The following CUL7 variants were observed in gnomAD, a reference collection of about 807,000 sequenced individuals.
The protein encoded by CUL7 is cullin 7.
A neutral mutation model predicts 177.7 loss-of-function variants in CUL7; 96 were observed. The ratio of observed to expected loss-of-function variants is 0.54; its 90% confidence interval spans 0.46 to 0.64. The LOEUF is 0.64. Among genes scored for constraint, CUL7 ranks in the 30% least tolerant of loss-of-function variants. CUL7 has a pLI of 0.00. For synonymous variants in CUL7, 824 were observed against 890.2 expected (o/e 0.93, Z 1.32); for missense variants, 1,893 against 2,187.9 (o/e 0.87, Z 2.69).
Position 43,053,774 on chromosome 6 carries a change from T to C in CUL7, c.-161A>G. 2.0e-6 allele frequency: 3 copies of C among 1,530,698 alleles called. No homozygotes were observed. Among genetic ancestry groups the C allele is most frequent in the Non-Finnish European group, 2.6e-6 (3 of 1,144,918 alleles). The allele number at this position is 1,530,698 out of a possible 1,614,324, so 94.8% of individuals were successfully genotyped here. On this transcript the variant is annotated 5_prime_UTR_variant, in exon 1 of 26. Coordinates refer to ENST00000265348, the MANE Select transcript of CUL7 (RefSeq NM_014780.5). The surrounding 1 kb of genome is among the most constrained non-coding windows in gnomAD (Gnocchi z 4.1). Reference sequence around the variant, plus strand: ...GGGGCGTGCCTCCGCGGAACAGAGCTGCACCCGCGTGAGTCGGCAGCCACT... The same window carrying C: ...GGGGCGTGCCTCCGCGGAACAGAGCCGCACCCGCGTGAGTCGGCAGCCACT...
chr6:43,049,384 C>A, intron 7 of CUL7, 23 bp downstream of exon 7: 1 of 1,614,086 alleles, frequency 6.2e-7, no homozygotes, highest in South Asian at 1.1e-5. Flanking sequence ...TGTGTCAGCT[C>A]AGCTGCTGTG....
At chr6:43,041,644 A>G (rs983162962) in intron 19 of CUL7, among the ~76,000 whole-genome samples, 3 of 151,250 alleles carry the variant, frequency 2.0e-5, no homozygotes, top group African/African-American at 7.3e-5. Context: ...AAAGAAAAAG[A>G]AAGGAGAGGA....
chr6:43,047,816 G>A (rs895521177), intron 9 of CUL7: 2 of 327,974 alleles, frequency 6.1e-6, no homozygotes, highest in Admixed American at 4.5e-5. Flanking sequence ...ACACATTTGG[G>A]TTTGCTTATA....
rs200593675 is a variant in CUL7, at chr6:43,051,633, G to C, written c.711C>G (p.Phe237Leu). Residue 237 changes from phenylalanine to leucine, a missense_variant, in exon 3 of 26, where the codon TTC (phenylalanine) becomes TTG (leucine). Phe to Leu is a conservative substitution (Grantham distance 22). Transcript: ENST00000265348. The surrounding 1 kb of genome is among the most constrained non-coding windows in gnomAD (Gnocchi z 5.0). Reference sequence around the variant, plus strand: ...TTACCTGTGGTAGCTGAATGCCCTCGAAAGACATGGGGTGTTCAGAGAGCG... The same window carrying C: ...TTACCTGTGGTAGCTGAATGCCCTCCAAAGACATGGGGTGTTCAGAGAGCG... ...QATLSEHPMS[F>L]EGIQLPQVPG... 14 of 1,614,148 alleles carry C rather than the reference G, an allele frequency of 8.7e-6. No individual in the cohort carries two copies. Among genetic ancestry groups the C allele is most frequent in the Non-Finnish European group, 1.1e-5 (13 of 1,180,040 alleles).
Position 43,041,060 on chromosome 6 carries a change from C to G in CUL7, c.3661G>C (p.Ala1221Pro), listed in dbSNP as rs779464552. The stretch of plus-strand genomic sequence containing the variant: ...TGGATCTGCTGGTCAATGTGCCGGG[C>G]GAACTGCTCACTCACCTGAGCAATG... Reference protein sequence around the residue: ...LKAAHVSEQFARHIDQQIQGS... With the variant: ...LKAAHVSEQFPRHIDQQIQGS... The change falls in exon 20 of 26, where the codon GCC (alanine) becomes CCC (proline). Residue 1221 changes from alanine to proline, a missense_variant. Transcript: ENST00000265348. 1 of 1,613,768 alleles carries G rather than the reference C, an allele frequency of 6.2e-7. No individual in the cohort carries two copies. Among genetic ancestry groups the G allele is most frequent in the Non-Finnish European group, 8.5e-7 (1 of 1,179,960 alleles).
chr6:43,043,149 G>A lies in CUL7; in HGVS notation c.3387C>T (p.Ser1129=). ...KGRNRSHDWS[S]LATRGLPSSI... is the part of the protein sequence containing the mutation. ...TGCTTGGAAGGCCCCGGGTAGCCAA[G>A]GAGCTCCAGTCGTGGCTTCTGTTTC... is the stretch of plus-strand genomic sequence containing the variant. The change falls in exon 18 of 26, where the codon TCC becomes TCT. Residue 1129 remains serine, a synonymous_variant. Transcript: ENST00000265348. The surrounding 1 kb of genome is among the most constrained non-coding windows in gnomAD (Gnocchi z 4.2). 2 of 1,614,080 alleles carry A rather than the reference G, an allele frequency of 1.2e-6. No homozygotes were observed. The highest frequency in any genetic ancestry group is 1.7e-6 in the Non-Finnish European group (2 of 1,180,016).
rs760920877 is a variant in CUL7, at chr6:43,045,377, C to T, written c.2888G>A (p.Gly963Glu). The change falls in exon 15 of 26, where the codon GGG (glycine) becomes GAG (glutamate). Residue 963 changes from glycine (G) to glutamate (E), a missense_variant. By Grantham distance (98) the Gly-to-Glu change is moderately conservative (BLOSUM62 -2). Coordinates refer to ENST00000265348, the MANE Select transcript of CUL7 (RefSeq NM_014780.5). The surrounding 1 kb of genome is among the most constrained non-coding windows in gnomAD (Gnocchi z 4.8). The stretch of plus-strand genomic sequence containing the variant: ...GGGCTTGGGGCCTAGGATCTCTAAC[C>T]CCCGAATGCGCGTATCAATGCCACC... ...QQGGIDTRIR[G>E]LEILGPKPTF... 2 of 1,614,224 alleles carry T rather than the reference C, an allele frequency of 1.2e-6. No homozygotes were observed. Among genetic ancestry groups the T allele is most frequent in the African/African-American group, 1.3e-5 (1 of 75,052 alleles).
intron 19 of CUL7, among the ~76,000 whole-genome samples, chr6:43,042,025 G>C (rs975693012): frequency 7.3e-6 from 1 of 137,898 alleles, no homozygotes; most frequent in Non-Finnish European, 1.6e-5. Flanking sequence ...AAAAAAAAAG[G>C]AAGAAGAAAG....
chr6:43,050,186 G>A lies in CUL7; in HGVS notation c.1373-27C>T, dbSNP rs1764275731. On this transcript the variant is annotated intron_variant, in intron 5 of 25. Transcript: ENST00000265348. The surrounding 1 kb of genome is among the most constrained non-coding windows in gnomAD (Gnocchi z 4.1). ...TGTGAAAATGGGCCAAGGGGCACAAGGATGTCACTAGCAACTCAGCAGGAC... is the reference window on the plus strand; with the variant it reads ...TGTGAAAATGGGCCAAGGGGCACAAAGATGTCACTAGCAACTCAGCAGGAC... The A allele has an allele frequency of 6.2e-7, 1 of 1,614,070 alleles. No individual in the cohort carries two copies. Among genetic ancestry groups the A allele is most frequent in the Non-Finnish European group, 8.5e-7 (1 of 1,180,044 alleles).
rs1419213357 is a variant in CUL7, at chr6:43,047,179, TACCC to T, written c.2170-76_2170-73del. 7.0e-6 allele frequency: 6 copies of T among 853,568 alleles called. No individual in the cohort carries two copies. In the African/African-American group the frequency reaches 1.0e-4, roughly 14 times the overall value. The allele number at this position is 853,568 out of a possible 1,614,324, so 52.9% of individuals were successfully genotyped here. Reference sequence around the variant, plus strand: ...CCACAAGGGCACCTGCAGTAGCAGGTACCCACTGTGTACTCTGTGTACTGGGTGC... The same window carrying T: ...CCACAAGGGCACCTGCAGTAGCAGGTACTGTGTACTCTGTGTACTGGGTGC... On this transcript the variant is annotated intron_variant, in intron 9 of 25. Coordinates refer to ENST00000265348, the MANE Select transcript of CUL7 (RefSeq NM_014780.5).
rs758991893 is a variant in CUL7 at position 43,052,773 on chromosome 6, G to A, written c.16C>T (p.Arg6Cys). The change falls in exon 2 of 26, where the codon CGC becomes TGC. Residue 6 changes from arginine (R) to cysteine (C), a missense_variant. Around this residue, in one of 5 missense-constraint regions of CUL7, gnomAD observed 653 missense variants for 725.2 expected, o/e 0.90. Coordinates refer to ENST00000265348, the MANE Select transcript of CUL7 (RefSeq NM_014780.5). This position sits in a 1 kb window ranked among gnomAD's most constrained non-coding sequence, Gnocchi z 4.5. The part of the protein sequence containing the change: MVGEL[R>C]YREFRVPLGP... The stretch of plus-strand genomic sequence containing the variant: ...AGGGGCACCCTGAATTCCCTGTAGC[G>A]GAGTTCTCCCACCATCCTGGCACCT... 2 of 1,605,602 alleles carry A rather than the reference G, an allele frequency of 1.2e-6. No individual in the cohort carries two copies. The highest frequency in any genetic ancestry group is 1.7e-5 in the Admixed American group (1 of 59,996).
In CUL7 at chr6:43,052,709, C is replaced by CG; in HGVS notation, c.79dup (p.Arg27ProfsTer7). 8 of 1,613,330 alleles carry CG rather than the reference C, an allele frequency of 5.0e-6. No homozygotes were observed. The highest frequency in any genetic ancestry group is 6.8e-6 in the Non-Finnish European group (8 of 1,180,048). On this transcript the variant is annotated frameshift_variant, in exon 2 of 26. Transcript: ENST00000265348. LOFTEE classifies it high-confidence loss of function. The surrounding 1 kb of genome is among the most constrained non-coding windows in gnomAD (Gnocchi z 4.5). Reference sequence around the variant, plus strand: ...ATGCCCATCATGGCCCACGCGCTGGCGGATCAGCTCATCAGGATAGGCATG... The same window carrying CG: ...ATGCCCATCATGGCCCACGCGCTGGCGGGATCAGCTCATCAGGATAGGCATG...
intron 19 of CUL7, among the ~76,000 whole-genome samples, chr6:43,041,873 A>G (rs1395525114): frequency 6.6e-6 from 1 of 151,882 alleles, no homozygotes; most frequent in African/African-American, 2.4e-5. Flanking sequence ...GCGTGGTAGC[A>G]TGCACCTGTA....
Position 43,043,181 on chromosome 6 carries a change from C to G in CUL7, c.3356-1G>C. The G allele has an allele frequency of 1.2e-6, 2 of 1,612,126 alleles. No homozygotes were observed. The highest frequency in any genetic ancestry group is 1.7e-6 in the Non-Finnish European group (2 of 1,178,472). On this transcript the variant is annotated splice_acceptor_variant, in intron 17 of 25. Coordinates refer to ENST00000265348, the MANE Select transcript of CUL7 (RefSeq NM_014780.5). LOFTEE classifies it high-confidence loss of function. The surrounding 1 kb of genome is among the most constrained non-coding windows in gnomAD (Gnocchi z 4.2). ...CAGTCGTGGCTTCTGTTTCTGCCTT[C>G]TGTAGAGACCAAGAAAGTGGCAGAG... is the stretch of plus-strand genomic sequence containing the variant.
intron 19 of CUL7, among the ~76,000 whole-genome samples, chr6:43,041,540 C>G (rs1244459920): frequency 1.3e-5 from 2 of 152,088 alleles, no homozygotes; most frequent in Non-Finnish European, 2.9e-5. Context: ...GAGGTTGAGG[C>G]CGCAGTGAGC....
At chr6:43,042,205 T>C (rs1220647184) in intron 19 of CUL7, among the ~76,000 whole-genome samples, 1 of 152,064 alleles carries the variant, frequency 6.6e-6, no homozygotes, top group Non-Finnish European at 1.5e-5. Context: ...TACACAAAGA[T>C]GGTCCTGATG....
intron 19 of CUL7, among the ~76,000 whole-genome samples, chr6:43,042,073 A>C (rs1200803353): frequency 7.3e-6 from 1 of 137,476 alleles, no homozygotes; most frequent in Non-Finnish European, 1.6e-5. Context: ...GAGAAAGAGA[A>C]GGAGGGAGGG....
Position 43,052,907 on chromosome 6 carries a change from G to C in CUL7, c.-8-111C>G. On this transcript the variant is annotated intron_variant, in intron 1 of 25. Transcript: ENST00000265348. This position sits in a 1 kb window ranked among gnomAD's most constrained non-coding sequence, Gnocchi z 4.5. ...ATGGCAACAGCTGTCAGGCGGGGTG[G>C]GGTAAAGCCAGGCCCAGGAGTTGCA... 1 of 1,185,342 alleles carries C rather than the reference G, an allele frequency of 8.4e-7. No individual in the cohort carries two copies. Among genetic ancestry groups the C allele is most frequent in the Admixed American group, 2.0e-5 (1 of 50,432 alleles). 73.4% of individuals were successfully genotyped at this position (1,185,342 alleles called of 1,614,324 possible). A position where few individuals can be genotyped will look rare whatever the true frequency, so the allele number is the denominator to read the frequency against.
At position 43,040,117 on chromosome 6, in the gene CUL7, C is replaced by A. The variant is rs772453955; in HGVS notation, c.4294+39G>T. Reference sequence around the variant, plus strand: ...CCCAGGTCCTTTCCTAGCAGCCCACCCTCTCCCCAGTCCCCAGTCCCTCTG... The same window carrying A: ...CCCAGGTCCTTTCCTAGCAGCCCACACTCTCCCCAGTCCCCAGTCCCTCTG... On this transcript the variant is annotated intron_variant, in intron 22 of 25. Coordinates refer to ENST00000265348, the MANE Select transcript of CUL7 (RefSeq NM_014780.5). The surrounding 1 kb of genome is among the most constrained non-coding windows in gnomAD (Gnocchi z 4.2). 1 of 1,613,612 alleles carries A rather than the reference C, an allele frequency of 6.2e-7. No homozygotes were observed.
Sources: gnomAD v4.1 joint callset for allele counts (sites outside exome capture counted in the v4.1 genomes callset) on GRCh38, gnomAD v4.1.1 for gene constraint, gnomAD v4.1.1 regional missense constraint, Gnocchi (gnomAD v3.1) non-coding constraint, MANE v1.5 for transcripts, NCBI Gene and HGNC (gene_info 2026-07-23, HGNC 2026-07-21) for gene names.